Variants in AP2B1 observed in about 807,000 individuals in gnomAD.
The protein encoded by AP2B1 is AP-2 complex subunit beta.
In AP2B1, 23 loss-of-function variants were observed where a neutral mutation model predicts 102.0. That is an observed-to-expected ratio of 0.23 (90% confidence interval 0.16 to 0.32). The LOEUF (loss-of-function observed/expected upper bound fraction) is 0.32, where lower values mean the gene tolerates loss of function less well. AP2B1 is among the 10% of genes least tolerant of loss of function. AP2B1 has a pLI of 1.00. For missense variants in AP2B1, 541 were observed against 1,157.4 expected (o/e 0.47, Z 7.73); for synonymous variants, 381 against 421.2 (o/e 0.90, Z 1.17).
At chr17:35,647,194 C>T (rs893871326) in intron 12 of AP2B1, among the ~76,000 whole-genome samples, 3 of 152,072 alleles carry the variant, frequency 2.0e-5, no homozygotes, top group African/African-American at 7.2e-5. Context: ...GTTTAAGTTA[C>T]ATATAAAAAA....
intron 5 of AP2B1, among the ~76,000 whole-genome samples, chr17:35,622,019 G>A (rs527794935): frequency 5.8e-4 from 88 of 152,200 alleles, no homozygotes; most frequent in African/African-American, 2.0e-3. Context: ...ACTATAATAA[G>A]GTCAACTAAG....
At chr17:35,640,271 T>C (rs1598141209) in intron 11 of AP2B1, among the ~76,000 whole-genome samples, 1 of 144,702 alleles carries the variant, frequency 6.9e-6, no homozygotes, top group African/African-American at 2.6e-5. Context: ...AGTTTCACTC[T>C]TGTTGCCAAG....
chr17:35,623,797 T>G (rs2074246221), intron 5 of AP2B1, among the ~76,000 whole-genome samples: 1 of 152,222 alleles, frequency 6.6e-6, no homozygotes, highest in South Asian at 2.1e-4. Context: ...CATCTGATCT[T>G]ATCCTTAAAC....
intron 6 of AP2B1, among the ~76,000 whole-genome samples, chr17:35,624,847 A>C (rs773087014): frequency 3.3e-5 from 5 of 152,128 alleles, no homozygotes; most frequent in Non-Finnish European, 5.9e-5. Flanking sequence ...TCCCATGCAC[A>C]GTTCTTGGCC....
At chr17:35,722,793 A>G (rs753335499) in intron 21 of AP2B1, among the ~76,000 whole-genome samples, 1 of 152,342 alleles carries the variant, frequency 6.6e-6, no homozygotes, top group South Asian at 2.1e-4. Context: ...TGCGTTTTGC[A>G]TGCTTATATT....
intron 12 of AP2B1, among the ~76,000 whole-genome samples, chr17:35,645,446 T>C (rs1213388871): frequency 6.6e-6 from 1 of 152,206 alleles, no homozygotes; most frequent in Non-Finnish European, 1.5e-5. Context: ...TATTATTAGT[T>C]AGGGGGAAAA....
chr17:35,613,084 TGAG>T (rs965937641), intron 5 of AP2B1, among the ~76,000 whole-genome samples: 2 of 151,656 alleles, frequency 1.3e-5, no homozygotes, highest in African/African-American at 4.8e-5. Flanking sequence ...TTACTGCTCT[TGAG>T]GAGTGATTTT....
chr17:35,617,235 T>C (rs1012311599), intron 5 of AP2B1, among the ~76,000 whole-genome samples: 1 of 152,184 alleles, frequency 6.6e-6, no homozygotes, highest in Non-Finnish European at 1.5e-5. Flanking sequence ...TTTGTATTTT[T>C]AGTAGAGACA....
chr17:35,718,984 A>G (rs1184164146), intron 21 of AP2B1, among the ~76,000 whole-genome samples: 1 of 152,148 alleles, frequency 6.6e-6, no homozygotes, highest in Non-Finnish European at 1.5e-5. Context: ...TTCTTACACA[A>G]TATTCTTGAT....
intron 18 of AP2B1, among the ~76,000 whole-genome samples, chr17:35,704,860 G>A (rs987271690): frequency 7.9e-5 from 12 of 151,948 alleles, no homozygotes; most frequent in Admixed American, 5.3e-4. Context: ...GTGAAACCCC[G>A]TCTCTACTAA....
intron 17 of AP2B1, among the ~76,000 whole-genome samples, chr17:35,676,878 G>T (rs918714561): frequency 9.2e-5 from 14 of 151,970 alleles, no homozygotes; most frequent in South Asian, 2.1e-4. Context: ...TTATGGAGTT[G>T]TTAAAGTTCT....
intron 14 of AP2B1, among the ~76,000 whole-genome samples, chr17:35,667,356 A>G (rs2075490092): frequency 6.6e-6 from 1 of 152,200 alleles, no homozygotes; most frequent in South Asian, 2.1e-4. Flanking sequence ...ACATAGTACA[A>G]TTAGGTGAAC....
chr17:35,620,293 C>T (rs910880397), intron 5 of AP2B1, among the ~76,000 whole-genome samples: 1 of 151,456 alleles, frequency 6.6e-6, no homozygotes, highest in Non-Finnish European at 1.5e-5. Context: ...CCAGCCTGGA[C>T]AACATAGTGA....
intron 17 of AP2B1, among the ~76,000 whole-genome samples, chr17:35,680,694 T>TTGTTG (rs760015653): frequency 2.1e-5 from 1 of 46,894 alleles, no homozygotes; most frequent in African/African-American, 9.3e-5. Context: ...TGGTTTTTTT[T>TTGTTG]TTTTTGTTTT....
At chr17:35,690,999 C>T (rs1567994056) in intron 18 of AP2B1, among the ~76,000 whole-genome samples, 1 of 151,998 alleles carries the variant, frequency 6.6e-6, no homozygotes, top group Non-Finnish European at 1.5e-5. Flanking sequence ...TTTTGTTGTC[C>T]CTGTCTTTAT....
At chr17:35,667,993 A>C (rs1373190360) in intron 14 of AP2B1, among the ~76,000 whole-genome samples, 1 of 142,614 alleles carries the variant, frequency 7.0e-6, no homozygotes, top group Non-Finnish European at 1.5e-5. Context: ...GCTGTAGTGC[A>C]ATGGCATGAT....
At chr17:35,683,606 G>T (rs1023782622) in intron 18 of AP2B1, among the ~76,000 whole-genome samples, 1 of 152,104 alleles carries the variant, frequency 6.6e-6, no homozygotes, top group African/African-American at 2.4e-5. Context: ...AGAATGCTTG[G>T]GTGTCAGCTT....
chr17:35,601,279 T>C (rs1259380016), intron 3 of AP2B1, among the ~76,000 whole-genome samples: 4 of 152,222 alleles, frequency 2.6e-5, no homozygotes, highest in Non-Finnish European at 5.9e-5. Context: ...TGGGGGATGA[T>C]AACATTTTGC....
At chr17:35,642,183 C>G (rs568828375) in intron 12 of AP2B1, among the ~76,000 whole-genome samples, 13 of 152,182 alleles carry the variant, frequency 8.5e-5, no homozygotes, top group African/African-American at 2.9e-4. Flanking sequence ...TTGACTGATT[C>G]CAGTTTTCAT....
Sources: allele counts gnomAD v4.1 joint callset (sites outside exome capture counted in the v4.1 genomes callset), GRCh38; gene constraint gnomAD v4.1.1; transcripts MANE v1.5; gene names NCBI Gene and HGNC (gene_info 2026-07-23, HGNC 2026-07-21).